The following NBEA variants were observed in gnomAD, a reference collection of about 807,000 sequenced individuals.
NBEA encodes the protein lysosomal-trafficking regulator 2.
A neutral mutation model predicts 343.4 loss-of-function variants in NBEA; 44 were observed. The observed-to-expected ratio is 0.13, with a 90% CI of 0.10 to 0.16. NBEA has a LOEUF of 0.16. Among genes scored for constraint, NBEA ranks in the 10% least tolerant of loss-of-function variants. The pLI is 1.00. For missense variants in NBEA, 2,555 were observed against 3,631.3 expected, an observed-to-expected ratio of 0.70 and a Z score of 7.62; for synonymous variants, 1,175 against 1,238.7, an observed-to-expected ratio of 0.95 and a Z score of 1.08.
intron 36 of NBEA, among the ~76,000 whole-genome samples, chr13:35,320,570 G>T (rs1241678306): frequency 2.0e-5 from 3 of 152,140 alleles, no homozygotes; most frequent in African/African-American, 7.2e-5. Context: ...AAGTTTATGT[G>T]TCTTGGGGTT....
chr13:35,397,852 G>C (rs1566074161), intron 38 of NBEA, among the ~76,000 whole-genome samples: 1 of 152,066 alleles, frequency 6.6e-6, no homozygotes, highest in Non-Finnish European at 1.5e-5. Flanking sequence ...GCTGATGAAG[G>C]GTCTTACCTT....
intron 11 of NBEA, among the ~76,000 whole-genome samples, chr13:35,098,705 T>G (rs1236648051): frequency 6.6e-6 from 1 of 152,142 alleles, no homozygotes; most frequent in Non-Finnish European, 1.5e-5. Flanking sequence ...TACTCTCACT[T>G]TCTAAGGTGT....
At chr13:35,488,177 G>A (rs984757172) in intron 41 of NBEA, among the ~76,000 whole-genome samples, 2 of 151,792 alleles carry the variant, frequency 1.3e-5, no homozygotes, top group African/African-American at 2.4e-5. Context: ...AGGCATAACA[G>A]TTCTTTCTAA....
chr13:35,066,530 A>G (rs555016672), intron 8 of NBEA, among the ~76,000 whole-genome samples: 13 of 152,018 alleles, frequency 8.6e-5, no homozygotes, highest in South Asian at 4.1e-4. Context: ...TGGCCCTTTT[A>G]TCATTATCCA....
chr13:35,498,429 A>G (rs1233188719), intron 41 of NBEA, among the ~76,000 whole-genome samples: 1 of 152,196 alleles, frequency 6.6e-6, no homozygotes. Flanking sequence ...GGAATAAGCC[A>G]TAGTGACACA....
chr13:35,457,063 T>G (rs1371039361), intron 40 of NBEA, among the ~76,000 whole-genome samples: 1 of 151,836 alleles, frequency 6.6e-6, no homozygotes, highest in Non-Finnish European at 1.5e-5. Flanking sequence ...TCTACTAACT[T>G]AAAAATTTCA....
chr13:35,397,026 T>C (rs2152903910), intron 38 of NBEA, among the ~76,000 whole-genome samples: 1 of 152,300 alleles, frequency 6.6e-6, no homozygotes, highest in South Asian at 2.1e-4. Flanking sequence ...CCTTTCAGCT[T>C]CCACTTTAAC....
At chr13:35,038,725 T>C (rs2062539541) in intron 1 of NBEA, among the ~76,000 whole-genome samples, 1 of 151,720 alleles carries the variant, frequency 6.6e-6, no homozygotes, top group African/African-American at 2.4e-5. Flanking sequence ...GTGGCAGAAC[T>C]GGTAAACAAG....
chr13:35,616,220 T>C (rs1323586527), intron 48 of NBEA, among the ~76,000 whole-genome samples: 1 of 152,202 alleles, frequency 6.6e-6, no homozygotes, highest in Non-Finnish European at 1.5e-5. Context: ...AGTGTCCCCT[T>C]GTTCCGTCTT....
intron 13 of NBEA, among the ~76,000 whole-genome samples, chr13:35,113,328 G>C (rs550023258): frequency 1.3e-5 from 2 of 152,146 alleles, no homozygotes; most frequent in South Asian, 2.1e-4. Flanking sequence ...TTAAACATTT[G>C]ATTAAGGTAT....
chr13:35,386,474 G>A (rs1227440790), intron 38 of NBEA, among the ~76,000 whole-genome samples: 2 of 152,058 alleles, frequency 1.3e-5, no homozygotes, highest in African/African-American at 4.8e-5. Context: ...TACTTTGTAT[G>A]TTACATAATA....
chr13:35,125,982 C>A (rs1163091431), intron 17 of NBEA, among the ~76,000 whole-genome samples: 2 of 151,672 alleles, frequency 1.3e-5, no homozygotes, highest in Non-Finnish European at 2.9e-5. Context: ...TAGCAAGATC[C>A]ATATCTGGAA....
intron 1 of NBEA, among the ~76,000 whole-genome samples, chr13:34,968,362 C>T (rs1413305632): frequency 6.6e-6 from 1 of 151,968 alleles, no homozygotes; most frequent in Non-Finnish European, 1.5e-5. Context: ...TTGACTTGGC[C>T]AGCCCTTCCC....
intron 31 of NBEA, among the ~76,000 whole-genome samples, chr13:35,198,883 T>A (rs1397717891): frequency 6.6e-6 from 1 of 151,948 alleles, no homozygotes; most frequent in East Asian, 1.9e-4. Flanking sequence ...CAGTTTGAAA[T>A]GAGTTGCCAC....
At chr13:35,094,586 T>A (rs1453583131) in intron 10 of NBEA, among the ~76,000 whole-genome samples, 2 of 152,012 alleles carry the variant, frequency 1.3e-5, no homozygotes, top group African/African-American at 4.8e-5. Context: ...TTTTTGTGTG[T>A]CACCGAAAAT....
At chr13:35,562,234 G>A (rs1384518081) in intron 44 of NBEA, among the ~76,000 whole-genome samples, 2 of 151,864 alleles carry the variant, frequency 1.3e-5, no homozygotes. Flanking sequence ...TTAAATTTTA[G>A]ATGATTGTGT....
At chr13:35,215,462 T>A (rs1001013164) in intron 33 of NBEA, among the ~76,000 whole-genome samples, 1 of 151,644 alleles carries the variant, frequency 6.6e-6, no homozygotes, top group Admixed American at 6.6e-5. Flanking sequence ...CCAAAAAGAG[T>A]ACATAGTGTA....
intron 40 of NBEA, among the ~76,000 whole-genome samples, chr13:35,462,361 A>G (rs1217149310): frequency 1.3e-5 from 2 of 152,194 alleles, no homozygotes; most frequent in African/African-American, 2.4e-5. Flanking sequence ...TAGAATGGGT[A>G]TTTCCTTTCT....
intron 35 of NBEA, among the ~76,000 whole-genome samples, chr13:35,306,245 T>C (rs897488417): frequency 6.6e-6 from 1 of 152,140 alleles, no homozygotes; most frequent in Non-Finnish European, 1.5e-5. Context: ...CTTGCTAGGT[T>C]ATATTATGTA....
Sources: gnomAD v4.1 joint callset for allele counts (sites outside exome capture counted in the v4.1 genomes callset) on GRCh38, gnomAD v4.1.1 for gene constraint, MANE v1.5 for transcripts, NCBI Gene and HGNC (gene_info 2026-07-23, HGNC 2026-07-21) for gene names.